DNAJC19: variants seen among roughly 807,000 people sequenced by gnomAD.
DNAJC19 encodes the protein mitochondrial import inner membrane translocase subunit TIM14.
Under a neutral mutation model 19.8 loss-of-function variants are expected in DNAJC19, and 15 were observed. The ratio of observed to expected loss-of-function variants is 0.76; its 90% CI spans 0.51 to 1.17. The LOEUF (loss-of-function observed/expected upper bound fraction) is 1.17. Ranked by LOEUF, DNAJC19 falls within the 50% of genes most tolerant of loss-of-function variation. The pLI is 0.00. For missense variants in DNAJC19, 105 were observed against 140.9 expected (o/e 0.75, Z 1.29); for synonymous variants, 38 against 42.1 (o/e 0.90, Z 0.38).
Position 180,989,664 on chromosome 3 carries a change from G to A in DNAJC19, c.-62C>T, listed in dbSNP as rs986484341. On this transcript the variant is annotated 5_prime_UTR_variant, in exon 1 of 6. Coordinates refer to ENST00000382564, the MANE Select transcript of DNAJC19 (RefSeq NM_145261.4). ...CGGCTCATCCCAGCTCAGAGGCCGC[G>A]GCCAACACCTGCACGCCTTTACCAG... The A allele has an allele frequency of 6.4e-7, 1 of 1,565,650 alleles. No homozygotes were observed. The highest frequency in any genetic ancestry group is 1.9e-5 in the Admixed American group (1 of 52,988).
In DNAJC19 at chr3:180,984,327, C is replaced by T. The variant is rs778688606; in HGVS notation, c.*313G>A. ...TCAGTCTCCCATTAAAGTGGGGGCTCCCTGAGAGCAAGGACTGTCATCTTC... is the reference window on the plus strand; with the variant it reads ...TCAGTCTCCCATTAAAGTGGGGGCTTCCTGAGAGCAAGGACTGTCATCTTC... On this transcript the variant is annotated 3_prime_UTR_variant, in exon 6 of 6. Coordinates refer to ENST00000382564, the MANE Select transcript of DNAJC19 (RefSeq NM_145261.4). The T allele has an allele frequency of 2.2e-6, 1 of 464,488 alleles. No homozygotes were observed. The highest frequency in any genetic ancestry group is 1.5e-5 in the South Asian group (1 of 64,566). 28.8% of individuals were successfully genotyped at this position (464,488 alleles called of 1,614,324 possible).
At chr3:180,987,689 A>G in intron 3 of DNAJC19, 1 of 375,118 alleles carries the variant, frequency 2.7e-6, no homozygotes, top group Admixed American at 3.8e-5. Context: ...TCACTTTAGA[A>G]TCATATACCT....
Position 180,989,679 on chromosome 3 carries a change from G to A in DNAJC19, c.-77C>T, listed in dbSNP as rs767619862. Reference sequence around the variant, plus strand: ...CAGAGGCCGCGGCCAACACCTGCACGCCTTTACCAGAGAGCGACGCAACCC... The same window carrying A: ...CAGAGGCCGCGGCCAACACCTGCACACCTTTACCAGAGAGCGACGCAACCC... On this transcript the variant is annotated 5_prime_UTR_variant, in exon 1 of 6. Coordinates refer to ENST00000382564, the MANE Select transcript of DNAJC19 (RefSeq NM_145261.4). 4.5e-6 allele frequency: 7 copies of A among 1,555,584 alleles called. No individual in the cohort carries two copies. The highest frequency in any genetic ancestry group is 1.4e-5 in the African/African-American group (1 of 73,474).
chr3:180,985,478 A>G (rs761518324), intron 5 of DNAJC19: 12 of 180,098 alleles, frequency 6.7e-5, no homozygotes, highest in Non-Finnish European at 1.2e-4. Flanking sequence ...TACAAACACT[A>G]GAACATGAAT....
At chr3:180,986,835 C>G in intron 4 of DNAJC19, 108 bp downstream of exon 4, 4 of 921,944 alleles carry the variant, frequency 4.3e-6, no homozygotes, top group Non-Finnish European at 7.1e-6. Context: ...CTTCCTAGGA[C>G]AAAATCCCCC....
At chr3:180,989,307 C>T (rs1360706580) in intron 1 of DNAJC19, 6 of 1,394,540 alleles carry the variant, frequency 4.3e-6, no homozygotes, top group African/African-American at 2.9e-5. Flanking sequence ...TTCCACTAAT[C>T]TCCGAGTCCA....
At chr3:180,986,037 T>G in intron 4 of DNAJC19, 41 bp from the exon 5 acceptor site, 1 of 1,519,450 alleles carries the variant, frequency 6.6e-7, no homozygotes, top group Non-Finnish European at 9.1e-7. Context: ...ATCCTACTTC[T>G]GCATCACATC....
Position 180,984,549 on chromosome 3 carries a change from T to G in DNAJC19, c.*91A>C, listed in dbSNP as rs774534561. ...GATTTAGCTTGTGCTAAATCATTTT[T>G]TAAAATTGTAGCTCTGAGGCATTTT... is the stretch of plus-strand genomic sequence containing the variant. On this transcript the variant is annotated 3_prime_UTR_variant, in exon 6 of 6. Coordinates refer to ENST00000382564, the MANE Select transcript of DNAJC19 (RefSeq NM_145261.4). 7 of 878,450 alleles carry G rather than the reference T, an allele frequency of 8.0e-6. No individual in the cohort carries two copies. The highest frequency in any genetic ancestry group is 1.3e-5 in the Non-Finnish European group (7 of 552,114). The allele number at this position is 878,450 out of a possible 1,614,324, so 54.4% of individuals were successfully genotyped here. A position where few individuals can be genotyped will look rare whatever the true frequency, so the allele number is the denominator to read the frequency against.
chr3:180,986,868 GAGA>G, intron 4 of DNAJC19, 72 bp downstream of exon 4: 1 of 1,261,482 alleles, frequency 7.9e-7, no homozygotes, highest in Non-Finnish European at 1.2e-6. Flanking sequence ...TATTAAAGGA[GAGA>G]AGGTCTTTCT....
At position 180,989,657 on chromosome 3, in the gene DNAJC19, A is replaced by T. The variant is rs1259588675; in HGVS notation, c.-55T>A. 3 of 1,570,730 alleles carry T rather than the reference A, an allele frequency of 1.9e-6. No individual in the cohort carries two copies. Among genetic ancestry groups the T allele is most frequent in the Non-Finnish European group, 1.7e-6 (2 of 1,158,476 alleles). On this transcript the variant is annotated 5_prime_UTR_variant, in exon 1 of 6. Coordinates refer to ENST00000382564, the MANE Select transcript of DNAJC19 (RefSeq NM_145261.4). ...GGGAGCACGGCTCATCCCAGCTCAG[A>T]GGCCGCGGCCAACACCTGCACGCCT...
intron 4 of DNAJC19, 113 bp from the exon 5 acceptor site, chr3:180,986,109 G>A: frequency 2.3e-6 from 2 of 868,826 alleles, no homozygotes; most frequent in Non-Finnish European, 3.7e-6. Context: ...TAACACAACA[G>A]TATGAAAAGC....
chr3:180,988,846 C>CA (rs11465052), intron 1 of DNAJC19, among the ~76,000 whole-genome samples: 25,430 of 134,328 alleles, frequency 0.19, 2,308 homozygotes, highest in Middle Eastern at 0.29. Flanking sequence ...ACTAAAAATA[C>CA]AAAAAAAAAA....
chr3:180,989,686 C>A lies in DNAJC19; in HGVS notation c.-84G>T. 1 of 1,552,162 alleles carries A rather than the reference C, an allele frequency of 6.4e-7. No individual in the cohort carries two copies. The highest frequency in any genetic ancestry group is 8.7e-7 in the Non-Finnish European group (1 of 1,148,722). On this transcript the variant is annotated 5_prime_UTR_variant, in exon 1 of 6. Transcript: ENST00000382564. The stretch of plus-strand genomic sequence containing the variant: ...CGCGGCCAACACCTGCACGCCTTTA[C>A]CAGAGAGCGACGCAACCCCCAACCT...
intron 1 of DNAJC19, chr3:180,989,336 C>T: frequency 1.4e-6 from 2 of 1,419,074 alleles, no homozygotes; most frequent in Non-Finnish European, 1.8e-6. Context: ...TCTGACCTTA[C>T]AGGAGTTCCA....
rs370042988 is a variant in DNAJC19, at chr3:180,984,660, C to T, written c.331G>A (p.Glu111Lys). 5.6e-6 allele frequency: 9 copies of T among 1,607,842 alleles called. No individual in the cohort carries two copies. The highest frequency in any genetic ancestry group is 6.0e-6 in the Non-Finnish European group (7 of 1,176,000). The change falls in exon 6 of 6, where the codon GAA becomes AAA. Residue 111 changes from glutamate (E) to lysine (K), a missense_variant. Glu to Lys is a moderately conservative substitution (Grantham distance 56). Transcript: ENST00000382564. ...AKINEAKDLL[E>K]GQAKK ...TTACTTCATTTTTTAGCTTGACCTT[C>T]TAGTAAATCTTTAGCTTCATTGATT...
At chr3:180,987,754 C>A in intron 3 of DNAJC19, 1 of 489,624 alleles carries the variant, frequency 2.0e-6, no homozygotes. Flanking sequence ...ACAGATGATG[C>A]TGAAGGTGAT....
At chr3:180,984,731 G>T in intron 5 of DNAJC19, 21 bp from the exon 6 acceptor site, 1 of 1,554,228 alleles carries the variant, frequency 6.4e-7, no homozygotes, top group Non-Finnish European at 8.8e-7. Flanking sequence ...AAAGAAAAAA[G>T]AACAGTTACA....
Position 180,988,355 on chromosome 3 carries a change from T to TTC in DNAJC19, c.4-127_4-126insGA, listed in dbSNP as rs1346198236. 1.4e-3 allele frequency: 610 copies of TTC among 440,314 alleles called. 2 individuals carry two copies. Among genetic ancestry groups the TTC allele is most frequent in the Non-Finnish European group, 1.9e-3 (550 of 292,252 alleles). 27.3% of individuals were successfully genotyped at this position (440,314 alleles called of 1,614,324 possible). A position where few individuals can be genotyped will look rare whatever the true frequency, so the allele number is the denominator to read the frequency against. On this transcript the variant is annotated intron_variant, in intron 1 of 5. Coordinates refer to ENST00000382564, the MANE Select transcript of DNAJC19 (RefSeq NM_145261.4). Reference sequence around the variant, plus strand: ...TAGGAGAAACAACTTTTTTTTTTCTTTTTTTTTTTTTTTTTTTAAGAGACG... The same window carrying TTC: ...TAGGAGAAACAACTTTTTTTTTTCTTTCTTTTTTTTTTTTTTTTTAAGAGACG...
chr3:180,988,807 C>T (rs1715047689), intron 1 of DNAJC19, among the ~76,000 whole-genome samples: 1 of 151,316 alleles, frequency 6.6e-6, no homozygotes, highest in African/African-American at 2.4e-5. Context: ...TCGAGACCAT[C>T]CTGGCTACCA....
Sources: gnomAD v4.1 joint callset for allele counts (sites outside exome capture counted in the v4.1 genomes callset) on GRCh38, gnomAD v4.1.1 for gene constraint, MANE v1.5 for transcripts, NCBI Gene and HGNC (gene_info 2026-07-23, HGNC 2026-07-21) for gene names.